Variants in CHCHD3 observed in about 807,000 individuals in gnomAD.
CHCHD3 encodes coiled-coil-helix-coiled-coil-helix domain containing 3.
In CHCHD3, 20 loss-of-function variants were observed where a neutral mutation model predicts 38.2. The observed-to-expected ratio is 0.52, with a 90% CI of 0.37 to 0.76. The LOEUF is 0.76. Among genes scored for constraint, CHCHD3 ranks in the 30% least tolerant of loss-of-function variants. The probability of loss-of-function intolerance (pLI) is 0.00; values close to 1 mark genes in which losing one functional copy is unlikely to be tolerated. For missense variants in CHCHD3, 245 were observed against 279.2 expected, an observed-to-expected ratio of 0.88 and a Z score of 0.87; for synonymous variants, 82 against 100.0, an observed-to-expected ratio of 0.82 and a Z score of 1.07.
intron 5 of CHCHD3, among the ~76,000 whole-genome samples, chr7:132,851,858 T>C (rs964051307): frequency 2.6e-5 from 4 of 152,230 alleles, no homozygotes; most frequent in Admixed American, 2.6e-4. Flanking sequence ...CACATTCGTA[T>C]TGCCAACACA....
At chr7:132,838,120 T>C (rs1229644773) in intron 6 of CHCHD3, among the ~76,000 whole-genome samples, 1 of 152,180 alleles carries the variant, frequency 6.6e-6, no homozygotes, top group East Asian at 1.9e-4. Context: ...GCATTCTATT[T>C]TATATATTAT....
intron 2 of CHCHD3, among the ~76,000 whole-genome samples, chr7:133,041,050 A>C (rs1285149889): frequency 7.9e-5 from 12 of 152,204 alleles, no homozygotes; most frequent in Non-Finnish European, 8.8e-5. Flanking sequence ...GCATCACAGC[A>C]GAGCAGCTAA....
rs142659828 is a variant in CHCHD3 at position 133,079,994 on chromosome 7, A to G, written c.81+1863T>C. 2.0e-3 allele frequency among the ~76,000 whole-genome samples: 312 copies of G among 152,320 alleles called. 1 individual carries two copies. The highest frequency in any genetic ancestry group is 3.3e-3 in the Non-Finnish European group (224 of 68,040). On this transcript the variant is annotated intron_variant, in intron 1 of 7. Transcript: ENST00000262570. ...GGATTTCAGGACTGGAAAATATTAG[A>G]GATCTGAGGGATGTACTCAGTTGCA... is the stretch of plus-strand genomic sequence containing the variant.
Position 132,868,022 on chromosome 7 carries a change from C to T in CHCHD3, c.453+17640G>A, listed in dbSNP as rs893581959. ...CTGTAGCATACTCCAATAAAAAAGA[C>T]GTTCACCCACAATTGACAAGCTAGG... On this transcript the variant is annotated intron_variant, in intron 5 of 7. Transcript: ENST00000262570. Among the ~76,000 whole-genome samples, 11 of 152,248 alleles carry T rather than the reference C, an allele frequency of 7.2e-5. No individual in the cohort carries two copies. The East Asian group carries it at 7.7e-4, about 11-fold the overall frequency.
At chr7:132,990,943 G>GAC (rs1201876742) in intron 3 of CHCHD3, among the ~76,000 whole-genome samples, 912 of 79,486 alleles carry the variant, frequency 0.011, 10 homozygotes, top group African/African-American at 0.042. Flanking sequence ...CCCCTACACA[G>GAC]ACACACATAC....
intron 5 of CHCHD3, among the ~76,000 whole-genome samples, chr7:132,879,502 C>T (rs1357335920): frequency 6.6e-6 from 1 of 151,790 alleles, no homozygotes; most frequent in East Asian, 1.9e-4. Flanking sequence ...TCAAAGAGCT[C>T]AAGTCTTCAA....
intron 7 of CHCHD3, among the ~76,000 whole-genome samples, chr7:132,791,238 A>C (rs889223848): frequency 6.6e-6 from 1 of 152,164 alleles, no homozygotes; most frequent in Non-Finnish European, 1.5e-5. Flanking sequence ...GGGTGGGTAC[A>C]TTTTAAGCAA....
intron 3 of CHCHD3, among the ~76,000 whole-genome samples, chr7:132,989,105 C>A (rs1217122780): frequency 6.6e-6 from 1 of 152,044 alleles, no homozygotes; most frequent in Non-Finnish European, 1.5e-5. Context: ...ATATAAGGAA[C>A]TTGAGCATCT....
intron 6 of CHCHD3, among the ~76,000 whole-genome samples, chr7:132,807,017 G>T (rs1236990260): frequency 2.6e-5 from 4 of 152,204 alleles, no homozygotes; most frequent in Admixed American, 2.0e-4. Flanking sequence ...GAGATGGGGA[G>T]GAGTGGAAGG....
At chr7:133,051,133 G>C (rs1814151540) in intron 2 of CHCHD3, among the ~76,000 whole-genome samples, 1 of 152,180 alleles carries the variant, frequency 6.6e-6, no homozygotes, top group Non-Finnish European at 1.5e-5. Flanking sequence ...AAAGACCACA[G>C]CCAAGCCAGA....
At chr7:132,902,354 A>G (rs1809690475) in intron 4 of CHCHD3, among the ~76,000 whole-genome samples, 1 of 152,204 alleles carries the variant, frequency 6.6e-6, no homozygotes, top group South Asian at 2.1e-4. Context: ...TGCTGCTATA[A>G]AGACACACAC....
At chr7:132,958,421 T>C (rs28661020) in intron 4 of CHCHD3, among the ~76,000 whole-genome samples, 2,669 of 151,742 alleles carry the variant, frequency 0.018, 80 homozygotes, top group African/African-American at 0.061. Context: ...ATAAAAAAAA[T>C]AGAAGTATGA....
At chr7:132,927,606 A>G (rs1810407205) in intron 4 of CHCHD3, among the ~76,000 whole-genome samples, 1 of 152,240 alleles carries the variant, frequency 6.6e-6, no homozygotes, top group South Asian at 2.1e-4. Context: ...TCAAAAAATG[A>G]AAGACGCTGT....
chr7:133,030,358 C>T (rs1326549490), intron 2 of CHCHD3, among the ~76,000 whole-genome samples: 1 of 152,136 alleles, frequency 6.6e-6, no homozygotes, highest in Non-Finnish European at 1.5e-5. Flanking sequence ...ACACTCTTTT[C>T]AGCTCCCAGG....
At chr7:132,814,985 G>A (rs190328985) in intron 6 of CHCHD3, among the ~76,000 whole-genome samples, 25 of 152,250 alleles carry the variant, frequency 1.6e-4, no homozygotes, top group Non-Finnish European at 5.9e-5. Context: ...GATAACTTTC[G>A]TTTAAGGTCT....
At chr7:133,066,333 C>A (rs886242950) in intron 2 of CHCHD3, among the ~76,000 whole-genome samples, 21 of 151,626 alleles carry the variant, frequency 1.4e-4, no homozygotes, top group Non-Finnish European at 2.1e-4. Context: ...CGGCTTACTG[C>A]AACTTCCGCC....
chr7:132,943,264 T>C (rs555045571), intron 4 of CHCHD3, among the ~76,000 whole-genome samples: 12 of 152,140 alleles, frequency 7.9e-5, no homozygotes, highest in Non-Finnish European at 1.3e-4. Flanking sequence ...AGATAAATCA[T>C]ACTAGCAAAG....
At chr7:132,931,261 C>A (rs1009142911) in intron 4 of CHCHD3, among the ~76,000 whole-genome samples, 3 of 152,044 alleles carry the variant, frequency 2.0e-5, no homozygotes, top group Non-Finnish European at 4.4e-5. Flanking sequence ...TTCTAAGGAC[C>A]ACATGAGATA....
At chr7:132,867,800 CAAAA>C (rs563872357) in intron 5 of CHCHD3, among the ~76,000 whole-genome samples, 57 of 152,072 alleles carry the variant, frequency 3.7e-4, no homozygotes, top group Non-Finnish European at 6.6e-4. Flanking sequence ...AAAATTTTCT[CAAAA>C]GAAAAATGAT....
Sources: gnomAD v4.1 joint callset for allele counts (sites outside exome capture counted in the v4.1 genomes callset) on GRCh38, gnomAD v4.1.1 for gene constraint, MANE v1.5 for transcripts, NCBI Gene and HGNC (gene_info 2026-07-23, HGNC 2026-07-21) for gene names.